The following DIPK1A variants were observed in gnomAD, a reference collection of about 807,000 sequenced individuals.
DIPK1A encodes the protein divergent protein kinase domain 1A, also known as family with sequence similarity 69 member A.
Under a neutral mutation model 40.8 loss-of-function variants are expected in DIPK1A, and 27 were observed. The observed-to-expected ratio is 0.66, with a 90% CI of 0.49 to 0.91. The LOEUF (loss-of-function observed/expected upper bound fraction) is 0.91. Among genes scored for constraint, DIPK1A ranks in the 40% least tolerant of loss-of-function variants. DIPK1A has a pLI of 0.00. For missense variants in DIPK1A, 412 were observed against 505.7 expected (o/e 0.81, Z 1.78); for synonymous variants, 166 against 171.3 (o/e 0.97, Z 0.24).
intron 1 of DIPK1A, chr1:92,934,092 G>T (rs1221484621): frequency 6.6e-6 from 1 of 152,122 alleles, no homozygotes; most frequent in Admixed American, 6.6e-5. Context: ...AGAAGAAAAA[G>T]ATGTTAAAGG....
At position 92,876,261 on chromosome 1, in the gene DIPK1A, G is replaced by T. The variant is rs76461571; in HGVS notation, c.189+35C>A. Reference sequence around the variant, plus strand: ...AGCAGTAAATATAGTGTTATGAAGAGGCTTTTTAGTAAACAGGAAATTTAA... The same window carrying T: ...AGCAGTAAATATAGTGTTATGAAGATGCTTTTTAGTAAACAGGAAATTTAA... On this transcript the variant is annotated intron_variant, in intron 2 of 4. Coordinates refer to ENST00000370310, the MANE Select transcript of DIPK1A (RefSeq NM_001006605.5). The T allele has an allele frequency of 3.9e-3, 5,394 of 1,372,974 alleles. 19 individuals are homozygous for T. The highest frequency in any genetic ancestry group is 4.8e-3 in the Non-Finnish European group (4,891 of 1,020,512). The allele number at this position is 1,372,974 out of a possible 1,614,324, so 85.0% of individuals were successfully genotyped here.
intron 4 of DIPK1A, chr1:92,833,949 T>C (rs746702487): frequency 2.1e-4 from 83 of 391,994 alleles, no homozygotes; most frequent in Non-Finnish European, 3.3e-4. Flanking sequence ...TCACAAAAAA[T>C]GTAAGAAAAT....
At chr1:92,929,219 C>A (rs996144643) in intron 1 of DIPK1A, among the ~76,000 whole-genome samples, 2 of 152,170 alleles carry the variant, frequency 1.3e-5, no homozygotes, top group African/African-American at 4.8e-5. Context: ...ACACATTATG[C>A]ATAATATGTT....
intron 1 of DIPK1A, among the ~76,000 whole-genome samples, chr1:92,898,085 C>T (rs567143100): frequency 3.4e-5 from 5 of 148,374 alleles, no homozygotes; most frequent in South Asian, 4.3e-4. Context: ...GGCAACAGAG[C>T]GAGACTCCAT....
At chr1:92,900,955 T>C (rs1256907850) in intron 1 of DIPK1A, among the ~76,000 whole-genome samples, 1 of 152,142 alleles carries the variant, frequency 6.6e-6, no homozygotes, top group Non-Finnish European at 1.5e-5. Context: ...CTTTCTAAAG[T>C]GGTTTTCATA....
chr1:92,920,577 T>C (rs1178433844), intron 1 of DIPK1A, among the ~76,000 whole-genome samples: 4 of 152,238 alleles, frequency 2.6e-5, no homozygotes, highest in African/African-American at 7.2e-5. Context: ...CTGGAGGTGA[T>C]ACAGGCAGAG....
downstream of DIPK1A, chr1:92,837,373 C>A: frequency 1.7e-6 from 2 of 1,173,778 alleles, no homozygotes; most frequent in Non-Finnish European, 2.6e-6. Flanking sequence ...CAAGACGGGA[C>A]TGATGGCAGC....
chr1:92,833,016 A>C, exon 5 of DIPK1A: 1 of 741,848 alleles, frequency 1.3e-6, no homozygotes, highest in South Asian at 1.4e-5. Flanking sequence ...AAAGTTTGGC[A>C]CAATTACCGG....
intron 2 of DIPK1A, among the ~76,000 whole-genome samples, chr1:92,856,499 C>A (rs1470052240): frequency 1.3e-5 from 2 of 152,080 alleles, no homozygotes; most frequent in Non-Finnish European, 1.5e-5. Flanking sequence ...CTCACTGCAA[C>A]CTCCTCCTCC....
intron 2 of DIPK1A, among the ~76,000 whole-genome samples, chr1:92,873,478 G>A (rs1036135308): frequency 1.3e-5 from 2 of 151,998 alleles, no homozygotes; most frequent in African/African-American, 2.4e-5. Context: ...AGCCAGGTGT[G>A]GTGGTGGGTA....
At chr1:92,954,989 A>C (rs1359335972) in intron 1 of DIPK1A, among the ~76,000 whole-genome samples, 3 of 152,204 alleles carry the variant, frequency 2.0e-5, no homozygotes. Context: ...AGACAACGAA[A>C]TATTATTCAG....
chr1:92,834,882 C>T, intron 4 of DIPK1A: 1 of 1,603,762 alleles, frequency 6.2e-7, no homozygotes, highest in Non-Finnish European at 8.5e-7. Context: ...TATGCTGCAG[C>T]ATATTGTACT....
chr1:92,899,468 G>C (rs921593877), intron 1 of DIPK1A, among the ~76,000 whole-genome samples: 1 of 152,192 alleles, frequency 6.6e-6, no homozygotes, highest in African/African-American at 2.4e-5. Context: ...CTTGTAGGCA[G>C]CATATAGCTG....
chr1:92,868,380 AT>A (rs369725533), intron 2 of DIPK1A, among the ~76,000 whole-genome samples: 68 of 152,352 alleles, frequency 4.5e-4, no homozygotes, highest in Middle Eastern at 3.4e-3. Flanking sequence ...TTCATAAGCC[AT>A]ATATGAAAGC....
chr1:92,948,671 ATATATACATG>A (rs1651476790), intron 1 of DIPK1A, among the ~76,000 whole-genome samples: 1 of 145,750 alleles, frequency 6.9e-6, no homozygotes, highest in African/African-American at 2.5e-5. Flanking sequence ...ACATATGTGT[ATATATACATG>A]TATATGTATA....
At position 92,833,760 on chromosome 1, in the gene DIPK1A, C is replaced by T. The variant is rs1289541343; in HGVS notation, c.475-726G>A. 3 of 887,476 alleles carry T rather than the reference C, an allele frequency of 3.4e-6. No individual in the cohort carries two copies. The Admixed American group carries it at 6.1e-5, about 18-fold the overall frequency. The allele number at this position is 887,476 out of a possible 1,614,324, so 55.0% of individuals were successfully genotyped here. On this transcript the variant is annotated intron_variant, in intron 4 of 4. Transcript: ENST00000615519. ...GTGTGTTAGAAGGGCTGTCTAGCAC[C>T]TCCAAAAGCATCCAGTGAATAATTT... is the stretch of plus-strand genomic sequence containing the variant.
chr1:92,871,320 C>T (rs568255419), intron 2 of DIPK1A, among the ~76,000 whole-genome samples: 1 of 152,228 alleles, frequency 6.6e-6, no homozygotes, highest in South Asian at 2.1e-4. Context: ...CATGCACCAC[C>T]ACGCACGGCT....
chr1:92,849,339 T>G (rs1158284870), intron 3 of DIPK1A, among the ~76,000 whole-genome samples: 3 of 130,510 alleles, frequency 2.3e-5, no homozygotes, highest in Non-Finnish European at 5.5e-5. Context: ...TCTTGTCTGG[T>G]TTTTTTTTGT....
intron 1 of DIPK1A, among the ~76,000 whole-genome samples, chr1:92,961,127 G>A (rs921142259): frequency 2.0e-5 from 3 of 151,926 alleles, no homozygotes; most frequent in Non-Finnish European, 4.4e-5. Context: ...ACCCGGGCGG[G>A]ACGACTCGGG....
Sources: allele counts gnomAD v4.1 joint callset (sites outside exome capture counted in the v4.1 genomes callset), GRCh38; gene constraint gnomAD v4.1.1; transcripts MANE v1.5; gene names NCBI Gene and HGNC (gene_info 2026-07-23, HGNC 2026-07-21).